The following MAGI2 variants were observed in gnomAD, a reference collection of about 807,000 sequenced individuals.
MAGI2 encodes the protein membrane-associated guanylate kinase, WW and PDZ domain-containing protein 2.
MAGI2 carries 35 observed loss-of-function variants against 133.3 expected under a neutral mutation model. The observed-to-expected ratio is 0.26, with a 90% CI of 0.20 to 0.35. The LOEUF (loss-of-function observed/expected upper bound fraction) is 0.35. Ranked by LOEUF, MAGI2 falls within the 10% of genes least tolerant of loss-of-function variation. The pLI is 1.00. For synonymous variants in MAGI2, 729 were observed against 710.6 expected (o/e 1.03, Z -0.41); for missense variants, 1,636 against 1,863.4 (o/e 0.88, Z 2.25).
intron 2 of MAGI2, among the ~76,000 whole-genome samples, chr7:78,935,307 A>G (rs1800430906): frequency 6.6e-6 from 1 of 152,158 alleles, no homozygotes; most frequent in Admixed American, 6.5e-5. Context: ...GAATATGTTT[A>G]TAAAATTTAT....
chr7:79,320,821 A>C (rs1839129479), intron 1 of MAGI2, among the ~76,000 whole-genome samples: 1 of 152,134 alleles, frequency 6.6e-6, no homozygotes, highest in Admixed American at 6.6e-5. Context: ...TCAAAGCCAA[A>C]GTTACTGCTG....
chr7:78,031,983 T>G (rs1809623505), intron 21 of MAGI2, among the ~76,000 whole-genome samples: 1 of 150,108 alleles, frequency 6.7e-6, no homozygotes, highest in South Asian at 2.1e-4. Context: ...CCCAACAGTG[T>G]GTCCCCAGGG....
At chr7:78,975,706 A>T (rs1199893857) in intron 2 of MAGI2, among the ~76,000 whole-genome samples, 1 of 151,814 alleles carries the variant, frequency 6.6e-6, no homozygotes, top group East Asian at 1.9e-4. Flanking sequence ...GGAAAATAAT[A>T]GAGAAAATCA....
At chr7:78,804,748 C>CAAAAAAAAAAAAAAAAAAAA (rs373472835) in intron 2 of MAGI2, among the ~76,000 whole-genome samples, 4 of 97,740 alleles carry the variant, frequency 4.1e-5, no homozygotes, top group African/African-American at 1.4e-4. Context: ...GACTCTGTCT[C>CAAAAAAAAAAAAAAAAAAAA]AAAAAAAAAA....
intron 1 of MAGI2, among the ~76,000 whole-genome samples, chr7:79,103,864 T>C (rs1414159106): frequency 2.6e-5 from 2 of 77,974 alleles, no homozygotes; most frequent in African/African-American, 5.2e-5. Flanking sequence ...CACACCTGGC[T>C]AATTTTTTTT....
intron 1 of MAGI2, among the ~76,000 whole-genome samples, chr7:79,176,447 A>G (rs1826105066): frequency 6.6e-6 from 1 of 152,072 alleles, no homozygotes; most frequent in Non-Finnish European, 1.5e-5. Context: ...ACAATGGCAT[A>G]TCTTAAGAAA....
chr7:78,046,365 G>C (rs919343359), intron 21 of MAGI2, among the ~76,000 whole-genome samples: 5 of 150,564 alleles, frequency 3.3e-5, no homozygotes, highest in African/African-American at 1.2e-4. Context: ...TTGAACCACT[G>C]CTCTCCAACC....
At chr7:78,417,977 C>T (rs911109895) in intron 6 of MAGI2, among the ~76,000 whole-genome samples, 4 of 152,112 alleles carry the variant, frequency 2.6e-5, no homozygotes, top group Non-Finnish European at 5.9e-5. Context: ...TGGCTCTCCA[C>T]ATTGTTTTCA....
At chr7:79,240,611 G>T (rs1212520653) in intron 1 of MAGI2, among the ~76,000 whole-genome samples, 1 of 152,028 alleles carries the variant, frequency 6.6e-6, no homozygotes, top group Non-Finnish European at 1.5e-5. Context: ...TCTCTTCTTT[G>T]ATATGAATCT....
At chr7:78,188,266 A>G (rs572961383) in intron 12 of MAGI2, among the ~76,000 whole-genome samples, 2 of 152,234 alleles carry the variant, frequency 1.3e-5, no homozygotes, top group South Asian at 4.1e-4. Flanking sequence ...CAAATTAATT[A>G]AAATCTACAT....
chr7:78,665,816 G>A (rs1466950743), intron 2 of MAGI2, among the ~76,000 whole-genome samples: 1 of 152,006 alleles, frequency 6.6e-6, no homozygotes. Flanking sequence ...ACTAATCTTT[G>A]TTGAACAACT....
chr7:79,131,845 T>C (rs1178817058), intron 1 of MAGI2, among the ~76,000 whole-genome samples: 1 of 152,156 alleles, frequency 6.6e-6, no homozygotes, highest in Non-Finnish European at 1.5e-5. Flanking sequence ...TATTTCAATG[T>C]TTCGCAAATT....
At chr7:79,092,210 T>G (rs1208632018) in intron 1 of MAGI2, among the ~76,000 whole-genome samples, 1 of 152,168 alleles carries the variant, frequency 6.6e-6, no homozygotes, top group Non-Finnish European at 1.5e-5. Context: ...AATCTAATAA[T>G]GCAAGTTAAA....
intron 3 of MAGI2, among the ~76,000 whole-genome samples, chr7:78,566,142 C>T (rs1563178123): frequency 6.6e-6 from 1 of 152,128 alleles, no homozygotes; most frequent in African/African-American, 2.4e-5. Flanking sequence ...TCTTGGAAGT[C>T]GTTCCTTTAT....
At chr7:79,392,108 G>A (rs960639385) in intron 1 of MAGI2, among the ~76,000 whole-genome samples, 6 of 152,240 alleles carry the variant, frequency 3.9e-5, no homozygotes, top group African/African-American at 1.4e-4. Context: ...AACATCTGGT[G>A]TTTGGCTCTC....
chr7:78,536,991 G>A (rs945436218), intron 3 of MAGI2, among the ~76,000 whole-genome samples: 2 of 152,006 alleles, frequency 1.3e-5, no homozygotes, highest in Admixed American at 6.5e-5. Context: ...TCCTCAGTCC[G>A]TTGTATCATT....
chr7:79,352,526 T>C (rs1189887213), intron 1 of MAGI2, among the ~76,000 whole-genome samples: 2 of 152,198 alleles, frequency 1.3e-5, no homozygotes, highest in Non-Finnish European at 2.9e-5. Flanking sequence ...CAGACTCTGC[T>C]AAGCAGAAGC....
chr7:78,300,143 T>C (rs527993997), intron 9 of MAGI2, among the ~76,000 whole-genome samples: 74 of 152,322 alleles, frequency 4.9e-4, no homozygotes, highest in Non-Finnish European at 8.7e-4. Context: ...ATTATAGTTC[T>C]TGCAGATATC....
At chr7:78,840,189 T>G (rs537821884) in intron 2 of MAGI2, among the ~76,000 whole-genome samples, 14 of 152,166 alleles carry the variant, frequency 9.2e-5, no homozygotes, top group African/African-American at 3.1e-4. Flanking sequence ...AAACATAAAT[T>G]AGTCTAAGAT....
Sources: gnomAD v4.1 joint callset for allele counts (sites outside exome capture counted in the v4.1 genomes callset) on GRCh38, gnomAD v4.1.1 for gene constraint, MANE v1.5 for transcripts, NCBI Gene and HGNC (gene_info 2026-07-23, HGNC 2026-07-21) for gene names.